Variants in TBPL1 observed in about 807,000 individuals in gnomAD.
TBPL1 encodes the protein TATA-box binding protein like 1.
In TBPL1, 4 loss-of-function variants were observed where a neutral mutation model predicts 22.1. The ratio of observed to expected loss-of-function variants is 0.18; its 90% CI spans 0.09 to 0.41. The LOEUF (loss-of-function observed/expected upper bound fraction) is 0.41, where lower values mean the gene tolerates loss of function less well. Ranked by LOEUF, TBPL1 falls within the 10% of genes least tolerant of loss-of-function variation. The pLI is 1.00. For missense variants in TBPL1, 115 were observed against 222.3 expected (o/e 0.52, Z 3.07); for synonymous variants, 64 against 71.0 (o/e 0.90, Z 0.50).
chr6:133,970,074 G>A (rs1776191786), intron 1 of TBPL1, among the ~76,000 whole-genome samples: 1 of 152,124 alleles, frequency 6.6e-6, no homozygotes, highest in Non-Finnish European at 1.5e-5. Flanking sequence ...TTTTGGACAC[G>A]AATCTTCTGG....
intron 1 of TBPL1, among the ~76,000 whole-genome samples, chr6:133,971,643 G>C (rs116985456): frequency 0.034 from 5,118 of 152,030 alleles, 104 homozygotes; most frequent in Admixed American, 0.061. Flanking sequence ...GAGTGAGGTG[G>C]TATCTCATTG....
At chr6:133,973,223 A>G (rs975991494) in intron 1 of TBPL1, among the ~76,000 whole-genome samples, 1 of 152,162 alleles carries the variant, frequency 6.6e-6, no homozygotes, top group East Asian at 1.9e-4. Context: ...GAAAAGAGCT[A>G]TCTCTAGGAG....
intron 4 of TBPL1, among the ~76,000 whole-genome samples, chr6:133,983,875 CTCTA>C (rs1335749110): frequency 6.6e-6 from 1 of 152,200 alleles, no homozygotes; most frequent in Non-Finnish European, 1.5e-5. Flanking sequence ...AAATTTATCA[CTCTA>C]TCCCCAGAAA....
chr6:133,982,679 A>G (rs1279239162), intron 3 of TBPL1, 29 bp downstream of exon 3: 2 of 1,600,394 alleles, frequency 1.2e-6, no homozygotes, highest in Admixed American at 1.7e-5. Context: ...TTTTGTTTTT[A>G]TTTTTTACTT....
chr6:133,970,117 G>GT (rs1300975418), intron 1 of TBPL1, among the ~76,000 whole-genome samples: 1 of 152,134 alleles, frequency 6.6e-6, no homozygotes, highest in Non-Finnish European at 1.5e-5. Context: ...TAAGTATCTG[G>GT]TTTTTTGTGT....
intron 1 of TBPL1, among the ~76,000 whole-genome samples, chr6:133,968,188 C>A (rs1276501825): frequency 6.6e-6 from 1 of 151,976 alleles, no homozygotes; most frequent in Non-Finnish European, 1.5e-5. Flanking sequence ...GGGGTTTCAC[C>A]ATGTTAGCCA....
chr6:133,965,469 T>C (rs1022874186), intron 1 of TBPL1, among the ~76,000 whole-genome samples: 1 of 152,154 alleles, frequency 6.6e-6, no homozygotes, highest in Non-Finnish European at 1.5e-5. Flanking sequence ...TTTCGTAACA[T>C]GTAGTAGATT....
At chr6:133,973,043 C>T (rs1412559322) in intron 1 of TBPL1, among the ~76,000 whole-genome samples, 5 of 152,154 alleles carry the variant, frequency 3.3e-5, no homozygotes, top group Non-Finnish European at 1.5e-5. Flanking sequence ...GAAAGAACAT[C>T]GTTCTAAAAG....
chr6:133,960,768 TTC>T (rs1776008617), intron 1 of TBPL1, among the ~76,000 whole-genome samples: 1 of 152,172 alleles, frequency 6.6e-6, no homozygotes, highest in Admixed American at 6.5e-5. Flanking sequence ...AGGGTGGCCA[TTC>T]TCTGATGACC....
chr6:133,967,551 A>G (rs577311258), intron 1 of TBPL1, among the ~76,000 whole-genome samples: 5 of 152,296 alleles, frequency 3.3e-5, no homozygotes, highest in Non-Finnish European at 7.4e-5. Context: ...ATAAACCCAG[A>G]CGGTAGAATC....
chr6:133,970,403 T>C (rs1453333792), intron 1 of TBPL1, among the ~76,000 whole-genome samples: 1 of 152,216 alleles, frequency 6.6e-6, no homozygotes, highest in African/African-American at 2.4e-5. Flanking sequence ...CATTCTTATC[T>C]AACCTAAGTT....
intron 4 of TBPL1, among the ~76,000 whole-genome samples, chr6:133,983,932 C>T (rs1317983121): frequency 6.6e-6 from 1 of 152,112 alleles, no homozygotes; most frequent in African/African-American, 2.4e-5. Context: ...GTCATTTTGC[C>T]TTATTGCATA....
At chr6:133,985,634 T>C (rs1158963911) in intron 6 of TBPL1, among the ~76,000 whole-genome samples, 4 of 152,070 alleles carry the variant, frequency 2.6e-5, no homozygotes, top group African/African-American at 9.7e-5. Flanking sequence ...AGGCATTGCT[T>C]GGGAGTCAGG....
In TBPL1 at chr6:133,979,810, C is replaced by T. The variant is rs181616819; in HGVS notation, c.-44-272C>T. 5.0e-3 allele frequency among the ~76,000 whole-genome samples: 759 copies of T among 152,134 alleles called. 10 individuals are homozygous for T. The highest frequency in any genetic ancestry group is 0.017 in the African/African-American group (719 of 41,508). The stretch of plus-strand genomic sequence containing the variant: ...TACAGACATGCACCATCATGCCCGG[C>T]TAATTTTTGTATTTTTAGTAGAGAC... On this transcript the variant is annotated intron_variant, in intron 1 of 6. Coordinates refer to ENST00000237264, the MANE Select transcript of TBPL1 (RefSeq NM_004865.4).
At chr6:133,982,439 T>C in intron 2 of TBPL1, 129 bp from the exon 3 acceptor site, 1 of 661,910 alleles carries the variant, frequency 1.5e-6, no homozygotes, top group East Asian at 2.9e-5. Context: ...AATGGTAGAT[T>C]TGGAGAGCAG....
upstream of TBPL1, chr6:133,952,626 G>C (rs1376624757): frequency 6.6e-6 from 1 of 152,136 alleles, no homozygotes; most frequent in Non-Finnish European, 1.5e-5. This position sits in a 1 kb window ranked among gnomAD's most constrained non-coding sequence, Gnocchi z 4.5. Flanking sequence ...GCCTAGTGAG[G>C]AATCTCACTA....
chr6:133,964,521 GC>G (rs1776084942), intron 1 of TBPL1, among the ~76,000 whole-genome samples: 1 of 150,774 alleles, frequency 6.6e-6, no homozygotes. Flanking sequence ...CACCATCTTG[GC>G]TCACTGCAAG....
Position 133,988,267 on chromosome 6 carries a change from A to G in TBPL1, c.*1227A>G, listed in dbSNP as rs1776566493. 6.6e-6 allele frequency: 1 copy of G among 152,232 alleles called. No individual in the cohort carries two copies. Among genetic ancestry groups the G allele is most frequent in the Non-Finnish European group, 1.5e-5 (1 of 68,028 alleles). The allele number at this position is 152,232 out of a possible 1,614,324, so 9.4% of individuals were successfully genotyped here. A position where few individuals can be genotyped will look rare whatever the true frequency, so the allele number is the denominator to read the frequency against. On this transcript the variant is annotated 3_prime_UTR_variant, in exon 7 of 7. Transcript: ENST00000237264. ...TATAATAAATATGCATTTATGAAACAGTGTCTCTGGCTCACCCAGGAGCCC... is the reference window on the plus strand; with the variant it reads ...TATAATAAATATGCATTTATGAAACGGTGTCTCTGGCTCACCCAGGAGCCC...
At chr6:133,970,939 G>T (rs1244964050) in intron 1 of TBPL1, among the ~76,000 whole-genome samples, 1 of 152,042 alleles carries the variant, frequency 6.6e-6, no homozygotes, top group Non-Finnish European at 1.5e-5. Context: ...TCATTTCTTT[G>T]TGGTAAGAAC....
Sources: allele counts gnomAD v4.1 joint callset (sites outside exome capture counted in the v4.1 genomes callset), GRCh38; gene constraint gnomAD v4.1.1; non-coding constraint Gnocchi (gnomAD v3.1); transcripts MANE v1.5; gene names NCBI Gene and HGNC (gene_info 2026-07-23, HGNC 2026-07-21).